MARCHF8: variants seen among roughly 807,000 people sequenced by gnomAD.
MARCHF8 encodes the protein E3 ubiquitin-protein ligase MARCHF8.
A neutral mutation model predicts 51.6 loss-of-function variants in MARCHF8; 40 were observed. The ratio of observed to expected loss-of-function variants is 0.77; its 90% CI spans 0.60 to 1.01. The LOEUF is 1.01. Ranked by LOEUF, MARCHF8 falls within the 50% of genes least tolerant of loss-of-function variation. MARCHF8 has a pLI of 0.00. For synonymous variants in MARCHF8, 263 were observed against 280.3 expected, an observed-to-expected ratio of 0.94 and a Z score of 0.62; for missense variants, 685 against 708.6, an observed-to-expected ratio of 0.97 and a Z score of 0.38.
At chr10:45,525,434 A>T (rs2043774957) in intron 2 of MARCHF8, among the ~76,000 whole-genome samples, 1 of 152,216 alleles carries the variant, frequency 6.6e-6, no homozygotes, top group South Asian at 2.1e-4. Context: ...TTTATCAAGG[A>T]GGACAGGGCA....
chr10:45,487,789 C>T (rs2043008939), intron 3 of MARCHF8, among the ~76,000 whole-genome samples: 1 of 151,426 alleles, frequency 6.6e-6, no homozygotes, highest in African/African-American at 2.4e-5. Flanking sequence ...ATAAGGTGAC[C>T]TGAATGAAAA....
Position 45,463,931 on chromosome 10 carries a change from G to A in MARCHF8, c.308C>T (p.Ala103Val), listed in dbSNP as rs1842882103. 2.0e-6 allele frequency: 3 copies of A among 1,536,248 alleles called. No homozygotes were observed. Among genetic ancestry groups the A allele is most frequent in the Non-Finnish European group, 2.6e-6 (3 of 1,146,918 alleles). ...TGTCAGAGAACTCTGGCAGTGAGGA[G>A]CTTTCGAGACAACAGCAGACTGCAC... Reference protein sequence around the residue: ...SSVQSAVVSKAPHCQSSLTQG... With the variant: ...SSVQSAVVSKVPHCQSSLTQG... The change falls in exon 5 of 8, where the codon GCT becomes GTT. Residue 103 changes from alanine to valine, a missense_variant. Ala to Val is a moderately conservative substitution (Grantham distance 64). Coordinates refer to ENST00000453424, the MANE Select transcript of MARCHF8 (RefSeq NM_001282866.2).
intron 3 of MARCHF8, among the ~76,000 whole-genome samples, chr10:45,487,224 A>T (rs994165266): frequency 1.3e-5 from 2 of 152,166 alleles, no homozygotes; most frequent in Admixed American, 1.3e-4. Context: ...AAAGCTCAAA[A>T]TACCCACAAC....
chr10:45,574,921 C>T (rs146801583), intron 1 of MARCHF8, among the ~76,000 whole-genome samples: 5,331 of 151,686 alleles, frequency 0.035, 145 homozygotes, highest in Non-Finnish European at 0.052. Flanking sequence ...TTTATACTGA[C>T]TCTAAATATG....
chr10:45,476,185 G>A (rs747063421), intron 3 of MARCHF8, among the ~76,000 whole-genome samples: 4 of 152,064 alleles, frequency 2.6e-5, no homozygotes, highest in Non-Finnish European at 2.9e-5. Flanking sequence ...CACCCACAAA[G>A]GAACCCAATA....
At chr10:45,489,175 A>G (rs1351202213) in intron 3 of MARCHF8, among the ~76,000 whole-genome samples, 192 bp downstream of exon 3, 1 of 152,020 alleles carries the variant, frequency 6.6e-6, no homozygotes, top group African/African-American at 2.4e-5. Flanking sequence ...ACTTCCCCCA[A>G]CACACACTCA....
intron 3 of MARCHF8, among the ~76,000 whole-genome samples, chr10:45,484,380 C>T (rs34654893): frequency 0.063 from 9,509 of 151,002 alleles, 333 homozygotes; most frequent in African/African-American, 0.071. Flanking sequence ...AAGGACCCTG[C>T]GGTGAGGTGA....
At chr10:45,571,958 T>C (rs1387673853) in intron 1 of MARCHF8, among the ~76,000 whole-genome samples, 1 of 152,166 alleles carries the variant, frequency 6.6e-6, no homozygotes, top group Non-Finnish European at 1.5e-5. Flanking sequence ...TACCTGATTA[T>C]TCACCCACAT....
chr10:45,514,741 G>C (rs1342349146), intron 2 of MARCHF8, among the ~76,000 whole-genome samples: 1 of 152,164 alleles, frequency 6.6e-6, no homozygotes, highest in African/African-American at 2.4e-5. Context: ...AAATGTTACA[G>C]GATCTGTTTG....
At chr10:45,498,284 C>A (rs1183701460) in intron 2 of MARCHF8, among the ~76,000 whole-genome samples, 1 of 152,138 alleles carries the variant, frequency 6.6e-6, no homozygotes, top group Non-Finnish European at 1.5e-5. Flanking sequence ...AACTGAAACT[C>A]TATACTCATT....
At chr10:45,559,785 T>TA (rs1310090684) in intron 1 of MARCHF8, among the ~76,000 whole-genome samples, 2 of 152,196 alleles carry the variant, frequency 1.3e-5, no homozygotes, top group Non-Finnish European at 2.9e-5. Flanking sequence ...ATGAATGGCA[T>TA]AAAAATTTTT....
intron 2 of MARCHF8, among the ~76,000 whole-genome samples, chr10:45,509,981 A>ACCACTGAT (rs71023121): frequency 0.086 from 13,092 of 152,228 alleles, 713 homozygotes; most frequent in African/African-American, 0.15. Context: ...AACGCCTGTA[A>ACCACTGAT]TCTGGGGAAA....
intron 2 of MARCHF8, among the ~76,000 whole-genome samples, chr10:45,531,778 G>A (rs1006525216): frequency 6.6e-6 from 1 of 152,076 alleles, no homozygotes; most frequent in Admixed American, 6.6e-5. Flanking sequence ...AAAATGCAAG[G>A]GTTCACTCTT....
At chr10:45,509,474 A>C (rs992474415) in intron 2 of MARCHF8, among the ~76,000 whole-genome samples, 4 of 152,136 alleles carry the variant, frequency 2.6e-5, no homozygotes, top group African/African-American at 4.8e-5. Flanking sequence ...TAAATATTCT[A>C]TTTTCAGGGC....
intron 2 of MARCHF8, among the ~76,000 whole-genome samples, chr10:45,517,201 T>G (rs912857785): frequency 6.6e-6 from 1 of 152,248 alleles, no homozygotes; most frequent in East Asian, 1.9e-4. Flanking sequence ...ACTTTTCTTA[T>G]GGACTATACA....
At chr10:45,502,657 T>G (rs1368255577) in intron 2 of MARCHF8, among the ~76,000 whole-genome samples, 1 of 152,166 alleles carries the variant, frequency 6.6e-6, no homozygotes, top group Admixed American at 6.5e-5. Flanking sequence ...TTTCAAATAT[T>G]GACAAAAGAG....
intron 1 of MARCHF8, among the ~76,000 whole-genome samples, chr10:45,544,628 AT>A (rs2044097763): frequency 1.3e-5 from 2 of 152,238 alleles, no homozygotes; most frequent in Non-Finnish European, 2.9e-5. Context: ...AAGTCTATAT[AT>A]TATACAATTC....
intron 2 of MARCHF8, among the ~76,000 whole-genome samples, chr10:45,513,832 T>C (rs941841834): frequency 2.0e-5 from 3 of 152,216 alleles, no homozygotes; most frequent in African/African-American, 4.8e-5. Context: ...TATGCATTTT[T>C]CCACCCTATG....
chr10:45,583,125 G>C (rs1210743167), intron 1 of MARCHF8, among the ~76,000 whole-genome samples: 1 of 152,108 alleles, frequency 6.6e-6, no homozygotes. Flanking sequence ...ATTTTTCATT[G>C]CAAGACTTTA....
Sources: allele counts gnomAD v4.1 joint callset (sites outside exome capture counted in the v4.1 genomes callset), GRCh38; gene constraint gnomAD v4.1.1; transcripts MANE v1.5; gene names NCBI Gene and HGNC (gene_info 2026-07-23, HGNC 2026-07-21).